DLGAP2: variants seen among roughly 807,000 people sequenced by gnomAD.
DLGAP2 encodes DLG associated protein 2.
A neutral mutation model predicts 100.3 loss-of-function variants in DLGAP2; 26 were observed. The ratio of observed to expected loss-of-function variants is 0.26; its 90% CI spans 0.19 to 0.36. The LOEUF is 0.36. Ranked by LOEUF, DLGAP2 falls within the 10% of genes least tolerant of loss-of-function variation. The probability of loss-of-function intolerance (pLI) is 1.00; values close to 1 mark genes in which losing one functional copy is unlikely to be tolerated. For missense variants in DLGAP2, 1,858 were observed against 1,453.2 expected, an observed-to-expected ratio of 1.28 and a Z score of -4.53; for synonymous variants, 886 against 630.1, an observed-to-expected ratio of 1.41 and a Z score of -6.08.
intron 3 of DLGAP2, among the ~76,000 whole-genome samples, chr8:1,276,466 G>T (rs1799700074): frequency 1.3e-5 from 2 of 152,234 alleles, no homozygotes; most frequent in East Asian, 3.9e-4. Context: ...GAGGGGGGAC[G>T]GGAGGGCTGC....
At chr8:1,046,441 G>A (rs574023276) in intron 2 of DLGAP2, among the ~76,000 whole-genome samples, 94 of 152,160 alleles carry the variant, frequency 6.2e-4, no homozygotes, top group Non-Finnish European at 1.3e-3. Context: ...TTGCAGGGGT[G>A]GATGTGTACA....
At chr8:1,676,023 T>C (rs899349583) in intron 10 of DLGAP2, among the ~76,000 whole-genome samples, 7 of 152,184 alleles carry the variant, frequency 4.6e-5, no homozygotes, top group African/African-American at 1.7e-4. Context: ...TTAGCAGACG[T>C]GAGACAGCTC....
chr8:809,407 G>A (rs1355612146), intron 1 of DLGAP2, among the ~76,000 whole-genome samples: 1 of 150,826 alleles, frequency 6.6e-6, no homozygotes, highest in Non-Finnish European at 1.5e-5. Context: ...TGACTGCTAA[G>A]AAAATACGTC....
intron 1 of DLGAP2, among the ~76,000 whole-genome samples, chr8:879,921 C>G (rs773892316): frequency 6.6e-6 from 1 of 152,182 alleles, no homozygotes; most frequent in African/African-American, 2.4e-5. Flanking sequence ...TCTCTCCTCC[C>G]TAATGGAATT....
intron 4 of DLGAP2, among the ~76,000 whole-genome samples, chr8:1,520,333 A>T (rs1245335558): frequency 6.6e-6 from 1 of 152,156 alleles, no homozygotes; most frequent in Non-Finnish European, 1.5e-5. Flanking sequence ...GTATTTGGGG[A>T]GCAGGAGGAG....
rs375151142 is a variant in DLGAP2 at position 1,153,504 on chromosome 8, A to G, written c.74-105347A>G. 3.3e-5 allele frequency among the ~76,000 whole-genome samples: 5 copies of G among 152,354 alleles called. No homozygotes were observed. In the East Asian group the frequency reaches 9.6e-4, roughly 29 times the overall value. On this transcript the variant is annotated intron_variant, in intron 2 of 14. Transcript: ENST00000637795. ...AAATCCTTTCCCCGCTAATGAATCCAGGAACACATTCTACCAATGTTGATG... is the reference window on the plus strand; with the variant it reads ...AAATCCTTTCCCCGCTAATGAATCCGGGAACACATTCTACCAATGTTGATG...
chr8:1,561,978 C>T (rs375814666), intron 5 of DLGAP2, among the ~76,000 whole-genome samples: 10 of 16,900 alleles, frequency 5.9e-4, no homozygotes, highest in African/African-American at 2.6e-3. Context: ...CTCGTTGCTG[C>T]GGGACTGTGT....
At chr8:1,188,451 C>G (rs1797562579) in intron 2 of DLGAP2, among the ~76,000 whole-genome samples, 1 of 136,400 alleles carries the variant, frequency 7.3e-6, no homozygotes, top group Non-Finnish European at 1.5e-5. Flanking sequence ...TGACGTTTCC[C>G]TCACGGAATC....
intron 3 of DLGAP2, among the ~76,000 whole-genome samples, chr8:1,469,489 G>A (rs1466823191): frequency 6.6e-6 from 1 of 152,212 alleles, no homozygotes; most frequent in African/African-American, 2.4e-5. Flanking sequence ...GGTTTCTTCG[G>A]AAGCTACTGG....
intron 1 of DLGAP2, among the ~76,000 whole-genome samples, chr8:837,540 A>G (rs1000216722): frequency 6.6e-6 from 1 of 151,880 alleles, no homozygotes; most frequent in Non-Finnish European, 1.5e-5. Flanking sequence ...AGCGGTGCAG[A>G]CGTGTTTTTA....
At chr8:1,539,671 C>T (rs773339224) in intron 4 of DLGAP2, among the ~76,000 whole-genome samples, 5 of 151,382 alleles carry the variant, frequency 3.3e-5, no homozygotes, top group African/African-American at 9.7e-5. Flanking sequence ...CACCTTCTCC[C>T]TCTCCAGACT....
intron 3 of DLGAP2, among the ~76,000 whole-genome samples, chr8:1,318,298 G>A (rs559973219): frequency 6.6e-6 from 1 of 152,248 alleles, no homozygotes; most frequent in African/African-American, 2.4e-5. Context: ...TTGGTGTTTA[G>A]GTTGTCAAAG....
chr8:1,191,515 C>T (rs951751640), intron 2 of DLGAP2, among the ~76,000 whole-genome samples: 1 of 152,186 alleles, frequency 6.6e-6, no homozygotes, highest in African/African-American at 2.4e-5. Flanking sequence ...GTCTAAAGTA[C>T]TAAGTAAAAC....
chr8:1,432,770 C>A (rs570216954), intron 3 of DLGAP2, among the ~76,000 whole-genome samples: 1 of 152,196 alleles, frequency 6.6e-6, no homozygotes, highest in Non-Finnish European at 1.5e-5. Context: ...ATGCAGGTTA[C>A]GGGTGATTCC....
intron 2 of DLGAP2, among the ~76,000 whole-genome samples, chr8:1,098,837 G>A (rs1045201592): frequency 2.0e-5 from 3 of 151,630 alleles, no homozygotes; most frequent in Non-Finnish European, 4.4e-5. Context: ...GCGCACGGAC[G>A]CTGCGACGCA....
At chr8:914,749 C>T (rs1200322652) in intron 2 of DLGAP2, among the ~76,000 whole-genome samples, 1 of 152,194 alleles carries the variant, frequency 6.6e-6, no homozygotes, top group Non-Finnish European at 1.5e-5. Context: ...TTTAATAGCT[C>T]AAGGCTGCAT....
At chr8:1,583,881 A>G (rs7014992) in intron 6 of DLGAP2, among the ~76,000 whole-genome samples, 86,765 of 151,622 alleles carry the variant, frequency 0.57, 25,662 homozygotes, top group African/African-American at 0.74. Context: ...TCCCCTGACA[A>G]TTTTCTTCCT....
intron 2 of DLGAP2, among the ~76,000 whole-genome samples, chr8:1,255,375 C>T (rs1248226936): frequency 7.7e-6 from 1 of 129,662 alleles, no homozygotes; most frequent in Admixed American, 7.4e-5. Context: ...CCCTCTCATC[C>T]TGCCCGGGTG....
At chr8:1,208,925 A>T (rs557348734) in intron 2 of DLGAP2, among the ~76,000 whole-genome samples, 1 of 151,840 alleles carries the variant, frequency 6.6e-6, no homozygotes, top group Non-Finnish European at 1.5e-5. Context: ...GCTTAGGAAT[A>T]TACCTAACCA....
Sources: gnomAD v4.1 joint callset for allele counts (sites outside exome capture counted in the v4.1 genomes callset) on GRCh38, gnomAD v4.1.1 for gene constraint, MANE v1.5 for transcripts, NCBI Gene and HGNC (gene_info 2026-07-23, HGNC 2026-07-21) for gene names.